INTS7: variants seen among roughly 807,000 people sequenced by gnomAD.
The protein encoded by INTS7 is chromosome 1 open reading frame 73.
A neutral mutation model predicts 109.2 loss-of-function variants in INTS7; 46 were observed. The observed-to-expected ratio is 0.42, with a 90% CI of 0.33 to 0.54. The LOEUF (loss-of-function observed/expected upper bound fraction) is 0.54. INTS7 is among the 20% of genes least tolerant of loss of function. INTS7 has a pLI of 0.07. For missense variants in INTS7, 929 were observed against 1,132.4 expected, an observed-to-expected ratio of 0.82 and a Z score of 2.58; for synonymous variants, 412 against 402.9, an observed-to-expected ratio of 1.02 and a Z score of -0.27.
At chr1:211,960,553 G>C (rs917566415) in intron 16 of INTS7, among the ~76,000 whole-genome samples, 1 of 152,140 alleles carries the variant, frequency 6.6e-6, no homozygotes, top group African/African-American at 2.4e-5. Context: ...AGGAAGCTAA[G>C]AAGCACAATA....
intron 8 of INTS7, among the ~76,000 whole-genome samples, chr1:211,983,262 G>A (rs1451707344): frequency 1.3e-5 from 2 of 151,776 alleles, no homozygotes; most frequent in African/African-American, 2.4e-5. Context: ...ATATGAATTC[G>A]TGATTGTAGA....
At chr1:212,004,000 G>C (rs1174285162) in intron 7 of INTS7, among the ~76,000 whole-genome samples, 1 of 152,258 alleles carries the variant, frequency 6.6e-6, no homozygotes, top group African/African-American at 2.4e-5. Flanking sequence ...TAAATCAGAA[G>C]AATCAAATGC....
intron 8 of INTS7, among the ~76,000 whole-genome samples, chr1:211,986,468 A>G (rs948757241): frequency 6.6e-6 from 1 of 152,216 alleles, no homozygotes; most frequent in Non-Finnish European, 1.5e-5. Context: ...TGCAAAACTA[A>G]TAGAAAAACA....
rs946402730 is a variant in INTS7 at position 211,941,005 on chromosome 1, G to A, written c.*819C>T. 2 of 152,224 alleles carry A rather than the reference G, an allele frequency of 1.3e-5. No homozygotes were observed. Among genetic ancestry groups the A allele is most frequent in the African/African-American group, 4.8e-5 (2 of 41,450 alleles). 9.4% of individuals were successfully genotyped at this position (152,224 alleles called of 1,614,324 possible). A position where few individuals can be genotyped will look rare whatever the true frequency, so the allele number is the denominator to read the frequency against. On this transcript the variant is annotated 3_prime_UTR_variant, in exon 20 of 20. Transcript: ENST00000366994. ...TTAGCACAGGAAGAGATAAATATGT[G>A]GTTGAACTAATACAGCAGGATGTTT...
chr1:211,953,336 T>C (rs1455813885), intron 16 of INTS7, among the ~76,000 whole-genome samples: 1 of 152,196 alleles, frequency 6.6e-6, no homozygotes, highest in Non-Finnish European at 1.5e-5. Context: ...CCCCTGCAAA[T>C]TTCTGAAAAC....
At chr1:212,007,974 C>A (rs1249581922) in intron 5 of INTS7, among the ~76,000 whole-genome samples, 1 of 152,188 alleles carries the variant, frequency 6.6e-6, no homozygotes, top group Non-Finnish European at 1.5e-5. Context: ...TAACCCTAAT[C>A]CACGTTTTCC....
chr1:211,964,134 C>T (rs1195634058), intron 16 of INTS7, among the ~76,000 whole-genome samples: 2 of 152,120 alleles, frequency 1.3e-5, no homozygotes, highest in African/African-American at 2.4e-5. Context: ...TAAACAACTT[C>T]GGCAAAGATC....
At position 211,975,246 on chromosome 1, in the gene INTS7, G is replaced by C; in HGVS notation, c.1735C>G (p.Gln579Glu). The change falls in exon 13 of 20, where the codon CAA becomes GAA. Residue 579 changes from glutamine (Q) to glutamate (E), a missense_variant. Physicochemically the swap from Gln to Glu is conservative, Grantham distance 29. Coordinates refer to ENST00000366994, the MANE Select transcript of INTS7 (RefSeq NM_015434.4). ...SHAEQCLTGL[Q>E]EENYSSALSC... The stretch of plus-strand genomic sequence containing the variant: ...AGTGCTGAACTATAATTTTCCTCTT[G>C]CAACCCAGTGAGACACTGTTCTGCA... 1 of 1,613,800 alleles carries C rather than the reference G, an allele frequency of 6.2e-7. No homozygotes were observed. Among genetic ancestry groups the C allele is most frequent in the Non-Finnish European group, 8.5e-7 (1 of 1,179,738 alleles).
At chr1:212,026,052 G>A (rs1448273612) in intron 1 of INTS7, among the ~76,000 whole-genome samples, 2 of 152,074 alleles carry the variant, frequency 1.3e-5, no homozygotes, top group Non-Finnish European at 2.9e-5. Flanking sequence ...GGGAGGCTGA[G>A]GCATGAGAAC....
In INTS7 at chr1:211,959,321, G is replaced by A. The variant is rs1663505517; in HGVS notation, c.2184-6620C>T. Among the ~76,000 whole-genome samples, 1 of 152,144 alleles carries A rather than the reference G, an allele frequency of 6.6e-6. No homozygotes were observed. On this transcript the variant is annotated intron_variant, in intron 16 of 19. Transcript: ENST00000366994. The surrounding 1 kb of genome is among the most constrained non-coding windows in gnomAD (Gnocchi z 4.2). The stretch of plus-strand genomic sequence containing the variant: ...AGAGCAGTCTTGACGATCAGATGGG[G>A]CCAGTCCATCTGGCCTCTCCTGGGG...
intron 7 of INTS7, among the ~76,000 whole-genome samples, chr1:211,993,870 A>G (rs1665253860): frequency 6.6e-6 from 1 of 152,146 alleles, no homozygotes; most frequent in African/African-American, 2.4e-5. Flanking sequence ...ATATACTTGG[A>G]CCTTGATTTA....
At chr1:212,013,021 C>A (rs1042639907) in intron 4 of INTS7, among the ~76,000 whole-genome samples, 9 of 152,208 alleles carry the variant, frequency 5.9e-5, no homozygotes, top group African/African-American at 1.7e-4. Flanking sequence ...TCCCTAGGCA[C>A]AACTCCTAAT....
intron 1 of INTS7, among the ~76,000 whole-genome samples, chr1:212,030,410 T>C (rs1365068218): frequency 1.3e-5 from 2 of 151,992 alleles, no homozygotes; most frequent in Non-Finnish European, 2.9e-5. Flanking sequence ...TGTCTCAGCC[T>C]CCTGAGCAGC....
chr1:211,953,575 A>G, intron 16 of INTS7, among the ~76,000 whole-genome samples: 1 of 121,706 alleles, frequency 8.2e-6, no homozygotes, highest in Non-Finnish European at 1.6e-5. Context: ...AACAGTCCCT[A>G]GAGTGTGATG....
intron 7 of INTS7, among the ~76,000 whole-genome samples, chr1:211,999,771 A>G (rs543200022): frequency 9.9e-5 from 15 of 152,196 alleles, no homozygotes; most frequent in Non-Finnish European, 1.9e-4. Context: ...TTTGAAAAAG[A>G]TAAGAAAGCA....
rs761818250 is a variant in INTS7, at chr1:211,941,786, T to C, written c.*38A>G. On this transcript the variant is annotated 3_prime_UTR_variant, in exon 20 of 20. Transcript: ENST00000366994. ...AACCAAACTGTTTCTGGCAATTTGA[T>C]TGATCTCTTGAGAGTCTGCAGTGCA... 1.6e-5 allele frequency: 26 copies of C among 1,587,218 alleles called. No homozygotes were observed. The highest frequency in any genetic ancestry group is 2.1e-5 in the Non-Finnish European group (24 of 1,166,528).
intron 8 of INTS7, 147 bp from the exon 9 acceptor site, chr1:211,982,957 C>T: frequency 1.8e-6 from 1 of 565,184 alleles, no homozygotes; most frequent in Non-Finnish European, 3.1e-6. Flanking sequence ...ACTATCAATA[C>T]ATATCAGCAT....
intron 9 of INTS7, 128 bp downstream of exon 9, chr1:211,982,548 T>C: frequency 1.5e-6 from 1 of 648,704 alleles, no homozygotes; most frequent in Non-Finnish European, 2.6e-6. Flanking sequence ...TAAGAACACT[T>C]TGAAAGGAGT....
intron 9 of INTS7, 28 bp from the exon 10 acceptor site, chr1:211,981,218 T>C: frequency 7.0e-7 from 1 of 1,428,490 alleles, no homozygotes; most frequent in Non-Finnish European, 9.9e-7. Context: ...AACTTTATGA[T>C]GGTCAAGTGA....
Sources: gnomAD v4.1 joint callset for allele counts (sites outside exome capture counted in the v4.1 genomes callset) on GRCh38, gnomAD v4.1.1 for gene constraint, Gnocchi (gnomAD v3.1) non-coding constraint, MANE v1.5 for transcripts, NCBI Gene and HGNC (gene_info 2026-07-23, HGNC 2026-07-21) for gene names.